PCDHGB1: variants seen among roughly 807,000 people sequenced by gnomAD.
PCDHGB1 encodes the protein protocadherin gamma subfamily B, 1, also known as protocadherin gamma-B1.
A neutral mutation model predicts 56.6 loss-of-function variants in PCDHGB1; 34 were observed. That is an observed-to-expected ratio of 0.60 (90% CI 0.46 to 0.80). PCDHGB1 has a LOEUF of 0.80. Ranked by LOEUF, PCDHGB1 falls within the 30% of genes least tolerant of loss-of-function variation. PCDHGB1 has a pLI of 0.00. For synonymous variants in PCDHGB1, 561 were observed against 505.9 expected (o/e 1.11, Z -1.46); for missense variants, 1,278 against 1,204.6 (o/e 1.06, Z -0.90).
At position 141,350,948 on chromosome 5, in the gene PCDHGB1, A is replaced by G. The variant is rs1758601820; in HGVS notation, c.688A>G (p.Thr230Ala). The change falls in exon 1 of 4, where the codon ACG becomes GCG. Residue 230 changes from threonine (T) to alanine (A), a missense_variant. Physicochemically the swap from Thr to Ala is moderately conservative, Grantham distance 58. Transcript: ENST00000523390. ...SGTTHIWIRV[T>A]DANDNAPVFS... The stretch of plus-strand genomic sequence containing the variant: ...CACCACCCATATCTGGATCCGAGTT[A>G]CGGATGCCAATGATAATGCTCCCGT... The G allele has an allele frequency of 1.9e-6, 3 of 1,614,088 alleles. No individual in the cohort carries two copies. In the East Asian group the frequency reaches 6.7e-5, roughly 36 times the overall value.
intron 1 of PCDHGB1, chr5:141,384,690 T>C (rs368242169): frequency 4.7e-5 from 76 of 1,613,884 alleles, no homozygotes; most frequent in Non-Finnish European, 5.9e-5. Context: ...TGGACAAAGA[T>C]TCAGGCCAGA....
intron 1 of PCDHGB1, chr5:141,422,759 A>G (rs2096670710): frequency 6.2e-7 from 1 of 1,613,252 alleles, no homozygotes; most frequent in Non-Finnish European, 8.5e-7. Flanking sequence ...ATTAACTCCA[A>G]CACTGGTGTT....
chr5:141,413,391 C>T lies in PCDHGB1; in HGVS notation c.2409+60722C>T, dbSNP rs375582894. ...CGGAGCGCGGAGTCCGCATAGTCTC[C>T]AGAGGTAGGACGCAGCTTTTCTCTC... On this transcript the variant is annotated intron_variant, in intron 1 of 3. Transcript: ENST00000523390. The T allele has an allele frequency of 1.2e-5, 19 of 1,613,902 alleles. No homozygotes were observed. In the African/African-American group the frequency reaches 2.4e-4, roughly 20 times the overall value.
rs1758796018 is a variant in PCDHGB1, at chr5:141,351,712, C to T, written c.1452C>T (p.Ser484=). 6.2e-7 allele frequency: 1 copy of T among 1,613,512 alleles called. No individual in the cohort carries two copies. Among genetic ancestry groups the T allele is most frequent in the Non-Finnish European group, 8.5e-7 (1 of 1,179,904 alleles). ...ATTTGGGACCCAACGGCAGAGTCTC[C>T]TACTCTATTCTGGCCAGTGACCTGG... ...DPDLGPNGRV[S]YSILASDLEP... The change falls in exon 1 of 4, where the codon TCC becomes TCT. Residue 484 remains serine, a synonymous_variant. Coordinates refer to ENST00000523390, the MANE Select transcript of PCDHGB1 (RefSeq NM_018922.3).
At chr5:141,497,541 T>C (rs1157403777) in intron 2 of PCDHGB1, among the ~76,000 whole-genome samples, 9 of 89,564 alleles carry the variant, frequency 1.0e-4, no homozygotes, top group Non-Finnish European at 2.1e-4. Context: ...GCAACAAACC[T>C]TTTTTTTTTT....
Position 141,362,044 on chromosome 5 carries a change from G to C in PCDHGB1, c.2409+9375G>C, listed in dbSNP as rs571731822. On this transcript the variant is annotated intron_variant, in intron 1 of 3. Coordinates refer to ENST00000523390, the MANE Select transcript of PCDHGB1 (RefSeq NM_018922.3). ...AGCGCGTGCCTTGGGCGACAGGGAC[G>C]CGGCCCGCCAGCGCCTGCTGGTCGC... 46 of 1,610,576 alleles carry C rather than the reference G, an allele frequency of 2.9e-5. No homozygotes were observed. The East Asian group carries it at 9.8e-4, about 34-fold the overall frequency.
chr5:141,487,475 C>A lies in PCDHGB1; in HGVS notation c.2410-7332C>A. 6.2e-7 allele frequency: 1 copy of A among 1,614,156 alleles called. No individual in the cohort carries two copies. The highest frequency in any genetic ancestry group is 8.5e-7 in the Non-Finnish European group (1 of 1,180,032). On this transcript the variant is annotated intron_variant, in intron 1 of 3. Transcript: ENST00000523390. This position sits in a 1 kb window ranked among gnomAD's most constrained non-coding sequence, Gnocchi z 5.0. ...TATCAAGTTTGTTGATGTGGGAGGC[C>A]ACTCTCATGGCTGTACACCCTTGGC...
intron 1 of PCDHGB1, chr5:141,421,504 C>A (rs757410882): frequency 1.2e-6 from 2 of 1,614,062 alleles, no homozygotes; most frequent in Admixed American, 1.7e-5. Context: ...CAGGATAGAC[C>A]GGGAGGAGCT....
At chr5:141,362,856 C>T (rs1331872357) in intron 1 of PCDHGB1, among the ~76,000 whole-genome samples, 2 of 152,238 alleles carry the variant, frequency 1.3e-5, no homozygotes, top group Non-Finnish European at 2.9e-5. Context: ...ATTAGTTTCA[C>T]CTTCAGGCTC....
At chr5:141,505,532 G>A in intron 3 of PCDHGB1, 51 bp downstream of exon 3, 2 of 1,611,270 alleles carry the variant, frequency 1.2e-6, no homozygotes, top group Non-Finnish European at 1.7e-6. Context: ...GGGGTTCTGG[G>A]GTGCATCTCA....
chr5:141,436,087 T>C (rs927404291), intron 1 of PCDHGB1, among the ~76,000 whole-genome samples: 1 of 152,198 alleles, frequency 6.6e-6, no homozygotes, highest in Non-Finnish European at 1.5e-5. Flanking sequence ...CTATAGGTAA[T>C]ATTGAGAGAA....
At chr5:141,401,098 C>T (rs1589430206) in intron 1 of PCDHGB1, among the ~76,000 whole-genome samples, 1 of 152,110 alleles carries the variant, frequency 6.6e-6, no homozygotes, top group East Asian at 1.9e-4. Context: ...AATCCCAGCA[C>T]TTTGGGAGGC....
At chr5:141,372,161 C>A in intron 1 of PCDHGB1, 1 of 1,613,776 alleles carries the variant, frequency 6.2e-7, no homozygotes, top group Non-Finnish European at 8.5e-7. Flanking sequence ...ACCTGGTGAC[C>A]AAGGTGGTGG....
chr5:141,490,605 C>A lies in PCDHGB1; in HGVS notation c.2410-4202C>A. On this transcript the variant is annotated intron_variant, in intron 1 of 3. Transcript: ENST00000523390. The surrounding 1 kb of genome is among the most constrained non-coding windows in gnomAD (Gnocchi z 5.4). ...TCAATGACAATGCACCCCGCTTCAA[C>A]CAGCAGCTTTACACTGCTTACATCC... 6.2e-6 allele frequency: 10 copies of A among 1,614,198 alleles called. No individual in the cohort carries two copies. The highest frequency in any genetic ancestry group is 8.5e-6 in the Non-Finnish European group (10 of 1,180,030).
At chr5:141,419,889 A>T in intron 1 of PCDHGB1, 1 of 1,614,084 alleles carries the variant, frequency 6.2e-7, no homozygotes, top group Middle Eastern at 1.6e-4. Flanking sequence ...GATTTCAGCG[A>T]CCATCCCACA....
At chr5:141,361,235 C>T (rs1178694648) in intron 1 of PCDHGB1, 2 of 1,613,774 alleles carry the variant, frequency 1.2e-6, no homozygotes, top group African/African-American at 1.3e-5. Flanking sequence ...ACAGTGATCG[C>T]CTTGATAAAA....
chr5:141,436,700 C>T (rs2097841356), intron 1 of PCDHGB1, among the ~76,000 whole-genome samples: 1 of 152,166 alleles, frequency 6.6e-6, no homozygotes, highest in Non-Finnish European at 1.5e-5. Flanking sequence ...AATGCCAGCA[C>T]ACTCGATGTT....
At chr5:141,374,328 G>T in intron 1 of PCDHGB1, 1 of 1,613,996 alleles carries the variant, frequency 6.2e-7, no homozygotes, top group Non-Finnish European at 8.5e-7. Flanking sequence ...CCGCGAAACG[G>T]CAGCTTGGTC....
intron 3 of PCDHGB1, among the ~76,000 whole-genome samples, chr5:141,508,439 T>C (rs1037512760): frequency 1.3e-5 from 2 of 152,188 alleles, no homozygotes; most frequent in African/African-American, 4.8e-5. Flanking sequence ...ACACAGTTCC[T>C]TAGTGGCAGA....
Sources: gnomAD v4.1 joint callset for allele counts (sites outside exome capture counted in the v4.1 genomes callset) on GRCh38, gnomAD v4.1.1 for gene constraint, Gnocchi (gnomAD v3.1) non-coding constraint, MANE v1.5 for transcripts, NCBI Gene and HGNC (gene_info 2026-07-23, HGNC 2026-07-21) for gene names.